WDR26: variants seen among roughly 807,000 people sequenced by gnomAD.
WDR26 encodes WD repeat domain 26, also known as WD repeat-containing protein 26.
A neutral mutation model predicts 84.1 loss-of-function variants in WDR26; 5 were observed. The observed-to-expected ratio is 0.06, with a 90% CI of 0.03 to 0.13. WDR26 has a LOEUF of 0.13. Among genes scored for constraint, WDR26 ranks in the 10% least tolerant of loss-of-function variants. WDR26 has a pLI of 1.00. For synonymous variants in WDR26, 415 were observed against 389.6 expected, an observed-to-expected ratio of 1.07 and a Z score of -0.77; for missense variants, 642 against 974.9, an observed-to-expected ratio of 0.66 and a Z score of 4.55.
chr1:224,410,695 T>TTTC (rs35472772), intron 7 of WDR26, among the ~76,000 whole-genome samples: 3 of 74,516 alleles, frequency 4.0e-5, no homozygotes, highest in African/African-American at 3.0e-4. Flanking sequence ...TCTTTCTTTC[T>TTTC]TTTTTTTTTT....
At chr1:224,397,516 G>C (rs1673298848) in intron 12 of WDR26, among the ~76,000 whole-genome samples, 1 of 152,118 alleles carries the variant, frequency 6.6e-6, no homozygotes, top group Non-Finnish European at 1.5e-5. Context: ...CTGGAATACT[G>C]ACACTTTTAG....
chr1:224,391,798 G>A (rs1673133943), intron 13 of WDR26, among the ~76,000 whole-genome samples: 1 of 152,132 alleles, frequency 6.6e-6, no homozygotes, highest in Non-Finnish European at 1.5e-5. Context: ...TTTGGGGGTG[G>A]AGGGGGAATA....
rs182901156 is a variant in WDR26, at chr1:224,413,827, T to G, written c.1320-2262A>C. Among the ~76,000 whole-genome samples, 17 of 152,334 alleles carry G rather than the reference T, an allele frequency of 1.1e-4. No homozygotes were observed. The East Asian group carries it at 2.3e-3, about 21-fold the overall frequency. On this transcript the variant is annotated intron_variant, in intron 6 of 13. Coordinates refer to ENST00000414423, the MANE Select transcript of WDR26 (RefSeq NM_001379403.1). Reference sequence around the variant, plus strand: ...TAATGTTTATCTTTATTTGTTTTTTTGAGATGGAGTCTCGCTCTGTTGTTC... The same window carrying G: ...TAATGTTTATCTTTATTTGTTTTTTGGAGATGGAGTCTCGCTCTGTTGTTC...
chr1:224,411,343 T>C lies in WDR26; in HGVS notation c.1458+84A>G, dbSNP rs1189994013. The C allele has an allele frequency of 4.2e-6, 6 of 1,420,756 alleles. No individual in the cohort carries two copies. The Admixed American group carries it at 9.7e-5, about 23-fold the overall frequency. The allele number at this position is 1,420,756 out of a possible 1,614,324, so 88.0% of individuals were successfully genotyped here. On this transcript the variant is annotated intron_variant, in intron 7 of 13. Coordinates refer to ENST00000414423, the MANE Select transcript of WDR26 (RefSeq NM_001379403.1). ...CTTAGAAAAGAATACTATTGATACA[T>C]ATATACTTAAAAATATGTAATCAAT... is the stretch of plus-strand genomic sequence containing the variant.
chr1:224,404,585 A>G lies in WDR26; in HGVS notation c.1459-15T>C. 1.2e-6 allele frequency: 2 copies of G among 1,607,074 alleles called. No homozygotes were observed. Among genetic ancestry groups the G allele is most frequent in the Non-Finnish European group, 1.7e-6 (2 of 1,176,356 alleles). On this transcript the variant is annotated splice_polypyrimidine_tract_variant and intron_variant, in intron 7 of 13. Transcript: ENST00000414423. ...AGGTGTGTATCCTGGGAGGGAAAAT[A>G]AACAATTCAGTTAACCCCTATCACT...
intron 12 of WDR26, among the ~76,000 whole-genome samples, chr1:224,394,861 T>C (rs1475200203): frequency 3.3e-5 from 5 of 152,168 alleles, no homozygotes; most frequent in Admixed American, 6.5e-5. Context: ...GGTTAACAGC[T>C]AGTAAATGGT....
At chr1:224,405,979 C>T (rs1053309367) in intron 7 of WDR26, among the ~76,000 whole-genome samples, 6 of 152,270 alleles carry the variant, frequency 3.9e-5, no homozygotes, top group Non-Finnish European at 5.9e-5. Flanking sequence ...ACAATGGAAC[C>T]ATAATGAGCC....
intron 8 of WDR26, among the ~76,000 whole-genome samples, chr1:224,401,714 A>AAAAAAG (rs1673427961): frequency 6.6e-6 from 1 of 150,560 alleles, no homozygotes; most frequent in African/African-American, 2.4e-5. Context: ...AAAAAGAAAA[A>AAAAAAG]AAAAGAGAAA....
At chr1:224,417,395 G>C (rs1276476023) in intron 6 of WDR26, among the ~76,000 whole-genome samples, 14 of 152,206 alleles carry the variant, frequency 9.2e-5, no homozygotes, top group Admixed American at 2.6e-4. Flanking sequence ...TTTGTTATTC[G>C]ATATCTTAAA....
At position 224,395,055 on chromosome 1, in the gene WDR26, A is replaced by G. The variant is rs1003175727; in HGVS notation, c.2075-1042T>C. ...ATCTTCAAAAAACTAGCCACATAGT[A>G]TAGAGAGTATTGGTTGAGAGTATGG... On this transcript the variant is annotated intron_variant, in intron 12 of 13. Transcript: ENST00000414423. Among the ~76,000 whole-genome samples the G allele has an allele frequency of 4.6e-5, 7 of 152,198 alleles. No individual in the cohort carries two copies. The South Asian group carries it at 1.4e-3, about 31-fold the overall frequency.
chr1:224,434,378 C>G lies in WDR26; in HGVS notation c.28G>C (p.Ala10Pro). Reference sequence around the variant, plus strand: ...GAGTCGGAGGAGGAGGAAGCGGAGGCCAGAGTTTCCTCGCCGAGAGAGGCC... The same window carrying G: ...GAGTCGGAGGAGGAGGAAGCGGAGGGCAGAGTTTCCTCGCCGAGAGAGGCC... The change falls in exon 1 of 14, where the codon GCC (alanine) becomes CCC (proline). Residue 10 changes from alanine (A) to proline (P), a missense_variant. This residue lies in a region of WDR26 where 291 missense variants were observed against 302.1 expected (regional missense o/e 0.96). Coordinates refer to ENST00000414423, the MANE Select transcript of WDR26 (RefSeq NM_001379403.1). 1 of 1,196,482 alleles carries G rather than the reference C, an allele frequency of 8.4e-7. No individual in the cohort carries two copies. The highest frequency in any genetic ancestry group is 1.0e-6 in the Non-Finnish European group (1 of 966,738). 74.1% of individuals were successfully genotyped at this position (1,196,482 alleles called of 1,614,324 possible). A position where few individuals can be genotyped will look rare whatever the true frequency, so the allele number is the denominator to read the frequency against.
Position 224,434,768 on chromosome 1 carries a change from T to G in WDR26, c.-363A>C. 2.0e-6 allele frequency: 2 copies of G among 986,114 alleles called. No individual in the cohort carries two copies. Among genetic ancestry groups the G allele is most frequent in the South Asian group, 9.1e-5 (2 of 22,054 alleles). The allele number at this position is 986,114 out of a possible 1,614,324, so 61.1% of individuals were successfully genotyped here. On this transcript the variant is annotated 5_prime_UTR_variant, in exon 1 of 14. Transcript: ENST00000414423. Reference sequence around the variant, plus strand: ...ATCCGCTCCGCTCTGCTCCCTGGTGTGTTGATTCTTCCCCCAGCTGCTGCC... The same window carrying G: ...ATCCGCTCCGCTCTGCTCCCTGGTGGGTTGATTCTTCCCCCAGCTGCTGCC...
At chr1:224,391,363 C>CAAAAAAAAAAAAAAAAAAAAAAAAAA (rs869213487) in intron 13 of WDR26, among the ~76,000 whole-genome samples, 1 of 89,144 alleles carries the variant, frequency 1.1e-5, no homozygotes, top group African/African-American at 4.5e-5. Context: ...AACTCTGTCT[C>CAAAAAAAAAAAAAAAAAAAAAAAAAA]AAAAAAAAAA....
chr1:224,433,704 G>A lies in WDR26; in HGVS notation c.702C>T (p.His234=), dbSNP rs1311631430. 1.4e-6 allele frequency: 2 copies of A among 1,467,246 alleles called. No homozygotes were observed. Among genetic ancestry groups the A allele is most frequent in the South Asian group, 1.2e-5 (1 of 81,532 alleles). 90.9% of individuals were successfully genotyped at this position (1,467,246 alleles called of 1,614,324 possible). Reference sequence around the variant, plus strand: ...CTTACTTGAGCCCTAAGCCATTCAAGTGCTGTCCTATTAGCCTAATGACAT... The same window carrying A: ...CTTACTTGAGCCCTAAGCCATTCAAATGCTGTCCTATTAGCCTAATGACAT... Residue 234 remains histidine (H), a synonymous_variant, in exon 1 of 14, where the codon CAC becomes CAT. Transcript: ENST00000414423.
At chr1:224,416,455 T>G (rs1392674192) in intron 6 of WDR26, among the ~76,000 whole-genome samples, 4 of 152,078 alleles carry the variant, frequency 2.6e-5, no homozygotes, top group Non-Finnish European at 5.9e-5. Flanking sequence ...CTCAATCTCC[T>G]GACCTCGTGA....
Position 224,401,702 on chromosome 1 carries a change from G to GAAA in WDR26, c.1600-636_1600-634dup, listed in dbSNP as rs5781368. 7.4e-4 allele frequency among the ~76,000 whole-genome samples: 72 copies of GAAA among 97,776 alleles called. 2 individuals carry two copies. Among genetic ancestry groups the GAAA allele is most frequent in the Non-Finnish European group, 1.1e-3 (56 of 51,750 alleles). 64.1% of individuals were successfully genotyped at this position (97,776 alleles called of 152,430 possible). A position where few individuals can be genotyped will look rare whatever the true frequency, so the allele number is the denominator to read the frequency against. The stretch of plus-strand genomic sequence containing the variant: ...AAAAAAAAAAAAAGAAAAAAAAAAA[G>GAAA]AAAAAAGAAAAAAAAAGAGAAAAAC... On this transcript the variant is annotated intron_variant, in intron 8 of 13. Transcript: ENST00000414423.
At position 224,399,878 on chromosome 1, in the gene WDR26, G is replaced by A. The variant is rs117264325; in HGVS notation, c.1720-844C>T. Among the ~76,000 whole-genome samples, 20 of 152,248 alleles carry A rather than the reference G, an allele frequency of 1.3e-4. No individual in the cohort carries two copies. The East Asian group carries it at 3.1e-3, about 23-fold the overall frequency. ...TCCCAGCACGTTGGGAGGCCAAGGC[G>A]GGAGGATCATTTGAGCCCAGAAGTT... is the stretch of plus-strand genomic sequence containing the variant. On this transcript the variant is annotated intron_variant, in intron 9 of 13. Coordinates refer to ENST00000414423, the MANE Select transcript of WDR26 (RefSeq NM_001379403.1).
chr1:224,410,198 T>C (rs989778582), intron 7 of WDR26, among the ~76,000 whole-genome samples: 1 of 149,650 alleles, frequency 6.7e-6, no homozygotes, highest in Non-Finnish European at 1.5e-5. Context: ...GGAGAATCCC[T>C]TGAACCCAGG....
intron 12 of WDR26, among the ~76,000 whole-genome samples, chr1:224,395,465 A>G (rs1005713089): frequency 6.6e-6 from 1 of 152,210 alleles, no homozygotes; most frequent in Admixed American, 6.5e-5. Flanking sequence ...AAAAGCTGGA[A>G]CTGTATCTGA....
Sources: gnomAD v4.1 joint callset for allele counts (sites outside exome capture counted in the v4.1 genomes callset) on GRCh38, gnomAD v4.1.1 for gene constraint, gnomAD v4.1.1 regional missense constraint, MANE v1.5 for transcripts, NCBI Gene and HGNC (gene_info 2026-07-23, HGNC 2026-07-21) for gene names.